The following TKTL1 variants were observed in gnomAD, a reference collection of about 807,000 sequenced individuals.
The protein encoded by TKTL1 is transketolase like 1.
A neutral mutation model predicts 39.3 loss-of-function variants in TKTL1; 1 was observed. The ratio of observed to expected loss-of-function variants is 0.03; its 90% CI spans 0.01 to 0.12. TKTL1 has a LOEUF of 0.12. TKTL1 is among the 10% of genes least tolerant of loss of function. The probability of loss-of-function intolerance (pLI) is 1.00; values close to 1 mark genes in which losing one functional copy is unlikely to be tolerated. For synonymous variants in TKTL1, 262 were observed against 193.8 expected (o/e 1.35, Z -2.92); for missense variants, 575 against 509.6 (o/e 1.13, Z -1.24).
chrX:154,325,210 C>G, intron 9 of TKTL1, 129 bp from the exon 10 acceptor site: 1 of 644,766 alleles, frequency 1.6e-6, no homozygotes, highest in African/African-American at 2.1e-5. Context: ...ATGCTCACCC[C>G]TTTCTCCAAA....
rs1387029804 is a variant in TKTL1 at position 154,303,017 on chromosome X, C to T, written c.135-2287C>T. On this transcript the variant is annotated intron_variant, in intron 1 of 12. Transcript: ENST00000369915. ...TGGATTCTGGATTTCTGTTTTGAGC[C>T]ATCACGTTTGTGGCAACTCACCCTG... Among the ~76,000 whole-genome samples the T allele has an allele frequency of 2.7e-5, 3 of 110,337 alleles. No individual in the cohort carries two copies. In the Admixed American group the frequency reaches 2.9e-4, roughly 11 times the overall value.
At chrX:154,313,906 CCT>C (rs1436007175) in intron 6 of TKTL1, among the ~76,000 whole-genome samples, 2 of 107,612 alleles carry the variant, frequency 1.9e-5, no homozygotes, top group African/African-American at 6.9e-5. Flanking sequence ...TGCACTCCAG[CCT>C]GGGCAACGGA....
At chrX:154,299,997 T>A (rs2067260570) in intron 1 of TKTL1, among the ~76,000 whole-genome samples, 1 of 108,501 alleles carries the variant, frequency 9.2e-6, no homozygotes, top group Admixed American at 9.8e-5. Flanking sequence ...GATGGTAATC[T>A]ACTACTTTTA....
At chrX:154,309,264 C>A in intron 2 of TKTL1, 81 bp from the exon 3 acceptor site, 1 of 824,972 alleles carries the variant, frequency 1.2e-6, no homozygotes, top group Non-Finnish European at 1.8e-6. Context: ...CTGACAGGAG[C>A]AGCCTGCACT....
Position 154,329,696 on chromosome X carries a change from G to T in TKTL1, c.*8G>T, listed in dbSNP as rs1557172833. On this transcript the variant is annotated 3_prime_UTR_variant, in exon 13 of 13. Coordinates refer to ENST00000369915, the MANE Select transcript of TKTL1 (RefSeq NM_012253.4). The stretch of plus-strand genomic sequence containing the variant: ...TGCATGTTGCTGAACTAAAATAGCT[G>T]TTAGCTTTGGTCTTTTGGCCTCTTT... 1 of 1,205,842 alleles carries T rather than the reference G, an allele frequency of 8.3e-7. No individual in the cohort carries two copies. The highest frequency in any genetic ancestry group is 1.8e-5 in the South Asian group (1 of 56,478).
chrX:154,327,525 C>T, intron 10 of TKTL1, 66 bp from the exon 11 acceptor site: 1 of 983,305 alleles, frequency 1.0e-6, no homozygotes, highest in Middle Eastern at 2.6e-4. Context: ...AGCAAAGTGC[C>T]TTCCACTTTG....
chrX:154,305,141 T>G lies in TKTL1; in HGVS notation c.135-163T>G, dbSNP rs782136419. 6 of 1,170,808 alleles carry G rather than the reference T, an allele frequency of 5.1e-6. No individual in the cohort carries two copies. The African/African-American group carries it at 1.1e-4, about 21-fold the overall frequency. On this transcript the variant is annotated intron_variant, in intron 1 of 12. Coordinates refer to ENST00000369915, the MANE Select transcript of TKTL1 (RefSeq NM_012253.4). ...GGAGGGGTGGTGAGCTTACCGGGCTTTAAAGCGCCCTTCCAACCTGTGAGC... is the reference window on the plus strand; with the variant it reads ...GGAGGGGTGGTGAGCTTACCGGGCTGTAAAGCGCCCTTCCAACCTGTGAGC...
At chrX:154,319,306 C>G (rs1256291548) in intron 7 of TKTL1, among the ~76,000 whole-genome samples, 5 of 112,523 alleles carry the variant, frequency 4.4e-5, no homozygotes, top group Non-Finnish European at 7.5e-5. Flanking sequence ...TTCACTTTCT[C>G]TCCACCAGCA....
intron 7 of TKTL1, 131 bp downstream of exon 7, chrX:154,315,468 G>A (rs1364771935): frequency 1.5e-6 from 1 of 667,138 alleles, no homozygotes; most frequent in Non-Finnish European, 2.2e-6. Flanking sequence ...TGGGAAGCAG[G>A]AGGCAAGTAG....
intron 1 of TKTL1, among the ~76,000 whole-genome samples, chrX:154,300,857 A>T (rs5987237): frequency 0.12 from 12,798 of 109,299 alleles, 1,803 homozygotes; most frequent in African/African-American, 0.4. Context: ...CGCACCCGGC[A>T]AATTTTTGTA....
intron 7 of TKTL1, among the ~76,000 whole-genome samples, chrX:154,317,361 C>T (rs1026708229): frequency 3.6e-5 from 4 of 111,343 alleles, no homozygotes; most frequent in East Asian, 2.8e-4. Flanking sequence ...TCTCAGGTGA[C>T]GAGGGGTCAG....
At chrX:154,304,655 T>A (rs1242630840) in intron 1 of TKTL1, among the ~76,000 whole-genome samples, 3 of 108,762 alleles carry the variant, frequency 2.8e-5, no homozygotes, top group African/African-American at 1.0e-4. Context: ...TAATGGGGAC[T>A]TTCTTAGTGA....
rs987463734 is a variant in TKTL1, at chrX:154,296,112, C to T, written c.134+119C>T. On this transcript the variant is annotated intron_variant, in intron 1 of 12. Transcript: ENST00000369915. ...CCTTCAGAGGCACAATGGGCTGTGT[C>T]GTAATGCCCTGTCTTGGGCTGTTGG... is the stretch of plus-strand genomic sequence containing the variant. The T allele has an allele frequency of 2.2e-5, 21 of 965,333 alleles. No individual in the cohort carries two copies. The Admixed American group carries it at 3.3e-4, about 15-fold the overall frequency. 79.6% of individuals were successfully genotyped at this position (965,333 alleles called of 1,213,427 possible).
chrX:154,321,373 G>A (rs1254435660), intron 8 of TKTL1, among the ~76,000 whole-genome samples: 2 of 108,743 alleles, frequency 1.8e-5, no homozygotes, highest in African/African-American at 3.4e-5. Context: ...AGCGTGACAC[G>A]AGGCAGGAAC....
chrX:154,309,256 G>A, intron 2 of TKTL1, 89 bp from the exon 3 acceptor site: 1 of 780,844 alleles, frequency 1.3e-6, no homozygotes. Context: ...CTACAGAGCT[G>A]ACAGGAGCAG....
intron 6 of TKTL1, among the ~76,000 whole-genome samples, chrX:154,314,942 G>A (rs1434055835): frequency 2.7e-5 from 3 of 111,385 alleles, no homozygotes; most frequent in Admixed American, 9.6e-5. Flanking sequence ...TAACTAAAAA[G>A]AGCACAATTT....
intron 12 of TKTL1, among the ~76,000 whole-genome samples, chrX:154,328,771 C>T (rs1456562300): frequency 9.1e-6 from 1 of 109,888 alleles, no homozygotes; most frequent in Non-Finnish European, 1.9e-5. Flanking sequence ...CAAGCGGTGC[C>T]TGATCTCTCG....
At chrX:154,323,587 CAG>C (rs1296665598) in intron 9 of TKTL1, among the ~76,000 whole-genome samples, 1 of 112,082 alleles carries the variant, frequency 8.9e-6, no homozygotes, top group African/African-American at 3.2e-5. Context: ...GCAGAAGAAA[CAG>C]GGACCATTCT....
At chrX:154,310,303 C>G (rs782463862) in intron 3 of TKTL1, among the ~76,000 whole-genome samples, 22 of 110,969 alleles carry the variant, frequency 2.0e-4, no homozygotes, top group African/African-American at 6.9e-4. Flanking sequence ...CTAAAAAATA[C>G]AAAAACTAGC....
Sources: gnomAD v4.1 joint callset for allele counts (sites outside exome capture counted in the v4.1 genomes callset) on GRCh38, gnomAD v4.1.1 for gene constraint, MANE v1.5 for transcripts, NCBI Gene and HGNC (gene_info 2026-07-23, HGNC 2026-07-21) for gene names.